The following CASQ2 variants were observed in gnomAD, a reference collection of about 807,000 sequenced individuals.
CASQ2 encodes the protein calsequestrin 2, also known as calsequestrin-2.
Under a neutral mutation model 46.5 loss-of-function variants are expected in CASQ2, and 49 were observed. The ratio of observed to expected loss-of-function variants is 1.05; its 90% CI spans 0.84 to 1.34. The LOEUF is 1.34. Among genes scored for constraint, CASQ2 ranks in the 40% most tolerant of loss-of-function variants. The pLI is 0.00. For missense variants in CASQ2, 486 were observed against 481.3 expected (o/e 1.01, Z -0.09); for synonymous variants, 174 against 168.5 (o/e 1.03, Z -0.25).
At position 115,700,481 on chromosome 1, in the gene CASQ2, C is replaced by G. The variant is rs973218233; in HGVS notation, c.*760G>C. Reference sequence around the variant, plus strand: ...AGTTTTCATCTTTCTAGTTTTCCCCCACCCTCCACTCCTGCTGATGAATAT... The same window carrying G: ...AGTTTTCATCTTTCTAGTTTTCCCCGACCCTCCACTCCTGCTGATGAATAT... On this transcript the variant is annotated 3_prime_UTR_variant, in exon 11 of 11. Transcript: ENST00000261448. 1 of 152,890 alleles carries G rather than the reference C, an allele frequency of 6.5e-6. No homozygotes were observed. The highest frequency in any genetic ancestry group is 6.5e-5 in the Admixed American group (1 of 15,344). The allele number at this position is 152,890 out of a possible 1,614,324, so 9.5% of individuals were successfully genotyped here.
At chr1:115,728,218 T>A (rs1030974094) in intron 5 of CASQ2, among the ~76,000 whole-genome samples, 1 of 152,160 alleles carries the variant, frequency 6.6e-6, no homozygotes, top group Non-Finnish European at 1.5e-5. Flanking sequence ...CACAAGGAGA[T>A]CCATTCTGAG....
chr1:115,755,085 A>T (rs537442436), intron 1 of CASQ2, among the ~76,000 whole-genome samples: 2 of 152,352 alleles, frequency 1.3e-5, no homozygotes, highest in African/African-American at 4.8e-5. Flanking sequence ...TCCAGTCTCT[A>T]ACACAAAATC....
chr1:115,763,184 G>A (rs913443039), intron 1 of CASQ2, among the ~76,000 whole-genome samples: 4 of 152,180 alleles, frequency 2.6e-5, no homozygotes, highest in Non-Finnish European at 5.9e-5. Context: ...GTCTCCATGG[G>A]GGGAAAGAGT....
intron 2 of CASQ2, among the ~76,000 whole-genome samples, chr1:115,741,849 G>A (rs1000924236): frequency 6.6e-6 from 1 of 152,168 alleles, no homozygotes; most frequent in Non-Finnish European, 1.5e-5. Flanking sequence ...TAATTCCTTA[G>A]ATTGTTGTAA....
intron 8 of CASQ2, among the ~76,000 whole-genome samples, chr1:115,710,300 T>C (rs1336204614): frequency 1.3e-5 from 2 of 152,168 alleles, no homozygotes; most frequent in Non-Finnish European, 2.9e-5. Flanking sequence ...GATTTTATCA[T>C]CTCCATTTTA....
chr1:115,746,123 TAG>T (rs1414984888), intron 1 of CASQ2, among the ~76,000 whole-genome samples: 6 of 151,966 alleles, frequency 3.9e-5, no homozygotes, highest in Non-Finnish European at 8.8e-5. Flanking sequence ...TGTAATTATG[TAG>T]AGATTTGTCT....
chr1:115,711,636 G>A (rs1654549916), intron 8 of CASQ2, among the ~76,000 whole-genome samples: 1 of 149,746 alleles, frequency 6.7e-6, no homozygotes, highest in Admixed American at 6.7e-5. Flanking sequence ...TGATGGGAAG[G>A]GTTTTTGTTT....
At chr1:115,708,164 T>C (rs1393450870) in intron 8 of CASQ2, among the ~76,000 whole-genome samples, 1 of 152,232 alleles carries the variant, frequency 6.6e-6, no homozygotes, top group Admixed American at 6.5e-5. Context: ...TGTAGTTTTT[T>C]TGTAAACGAG....
chr1:115,702,911 G>A lies in CASQ2; in HGVS notation c.1014+10C>T. Reference sequence around the variant, plus strand: ...GGGTGCCTGAGCAAGCCTTCACAGGGGATACTCACATCTGTGACATTCACC... The same window carrying A: ...GGGTGCCTGAGCAAGCCTTCACAGGAGATACTCACATCTGTGACATTCACC... On this transcript the variant is annotated intron_variant, in intron 10 of 10. Coordinates refer to ENST00000261448, the MANE Select transcript of CASQ2 (RefSeq NM_001232.4). The A allele has an allele frequency of 1.2e-5, 19 of 1,607,900 alleles. No homozygotes were observed. Among genetic ancestry groups the A allele is most frequent in the Non-Finnish European group, 1.6e-5 (19 of 1,175,138 alleles).
chr1:115,701,796 C>T (rs1054231913), intron 10 of CASQ2, among the ~76,000 whole-genome samples: 1 of 152,154 alleles, frequency 6.6e-6, no homozygotes, highest in African/African-American at 2.4e-5. Context: ...TTCACTTGAG[C>T]ATGTTTTAAA....
At chr1:115,754,438 C>T (rs999112318) in intron 1 of CASQ2, among the ~76,000 whole-genome samples, 6 of 152,148 alleles carry the variant, frequency 3.9e-5, no homozygotes, top group Non-Finnish European at 7.4e-5. Context: ...ATAACAACAA[C>T]AATTTTTAAA....
chr1:115,751,182 T>C (rs1043597530), intron 1 of CASQ2, among the ~76,000 whole-genome samples: 1 of 152,264 alleles, frequency 6.6e-6, no homozygotes, highest in African/African-American at 2.4e-5. Flanking sequence ...AAACATTAGA[T>C]TTTCTTCTTA....
chr1:115,768,431 A>G lies in CASQ2; in HGVS notation c.111T>C (p.Leu37=), dbSNP rs1317500264. 1 of 1,613,776 alleles carries G rather than the reference A, an allele frequency of 6.2e-7. No homozygotes were observed. Among genetic ancestry groups the G allele is most frequent in the East Asian group, 2.2e-5 (1 of 44,888 alleles). ...TYDGKDRVVS[L]SEKNFKQVLK... is the part of the protein sequence containing the mutation. ...AAACCTGCTTGAAGTTCTTCTCGGA[A>G]AGACTTACCACTCGGTCCTTCCCAT... Residue 37 remains leucine (L), a synonymous_variant, in exon 1 of 11, where the codon CTT becomes CTC. Coordinates refer to ENST00000261448, the MANE Select transcript of CASQ2 (RefSeq NM_001232.4).
chr1:115,707,036 CTT>C (rs11407551), intron 8 of CASQ2, among the ~76,000 whole-genome samples: 63 of 143,502 alleles, frequency 4.4e-4, no homozygotes, highest in African/African-American at 1.4e-3. Context: ...GAAATAGTTC[CTT>C]TTTTTTTTTT....
intron 8 of CASQ2, among the ~76,000 whole-genome samples, chr1:115,717,608 G>A (rs138231951): frequency 1.8e-3 from 269 of 152,334 alleles, no homozygotes; most frequent in Non-Finnish European, 3.0e-3. Flanking sequence ...GCTGTGCAGC[G>A]CTGTAGGAAC....
intron 2 of CASQ2, among the ~76,000 whole-genome samples, chr1:115,744,028 C>G (rs1406161157): frequency 6.6e-6 from 1 of 151,414 alleles, no homozygotes; most frequent in Non-Finnish European, 1.5e-5. Flanking sequence ...ACTGTAATCT[C>G]AGCTACTCAA....
intron 1 of CASQ2, among the ~76,000 whole-genome samples, chr1:115,762,315 CAA>C (rs1169499889): frequency 6.6e-6 from 1 of 152,124 alleles, no homozygotes; most frequent in Admixed American, 6.5e-5. Flanking sequence ...TTTACTCATG[CAA>C]AGATTATTGA....
intron 1 of CASQ2, 23 bp downstream of exon 1, chr1:115,768,285 C>G: frequency 6.7e-7 from 1 of 1,491,740 alleles, no homozygotes; most frequent in Non-Finnish European, 9.4e-7. Flanking sequence ...GCAGCGCAGA[C>G]AGCATGCCCT....
intron 1 of CASQ2, among the ~76,000 whole-genome samples, chr1:115,746,284 T>C (rs1034988841): frequency 6.6e-6 from 1 of 152,206 alleles, no homozygotes; most frequent in Admixed American, 6.5e-5. Context: ...ACAGCTGCTA[T>C]AAAGTTTAGT....
Sources: gnomAD v4.1 joint callset for allele counts (sites outside exome capture counted in the v4.1 genomes callset) on GRCh38, gnomAD v4.1.1 for gene constraint, MANE v1.5 for transcripts, NCBI Gene and HGNC (gene_info 2026-07-23, HGNC 2026-07-21) for gene names.